The following ABCA13 variants were observed in gnomAD, a reference collection of about 807,000 sequenced individuals.
ABCA13 encodes the protein ATP binding cassette subfamily A member 13.
In ABCA13, 476 loss-of-function variants were observed where a neutral mutation model predicts 478.7. The ratio of observed to expected loss-of-function variants is 0.99; its 90% confidence interval spans 0.92 to 1.07. ABCA13 has a LOEUF of 1.07. Ranked by LOEUF, ABCA13 falls within the 50% of genes least tolerant of loss-of-function variation. The pLI is 0.00. For synonymous variants in ABCA13, 2,252 were observed against 2,158.9 expected (o/e 1.04, Z -1.20); for missense variants, 6,060 against 5,910.6 (o/e 1.03, Z -0.83).
chr7:48,624,375 A>T (rs1793460280), intron 59 of ABCA13, among the ~76,000 whole-genome samples: 1 of 152,048 alleles, frequency 6.6e-6, no homozygotes, highest in Admixed American at 6.6e-5. Flanking sequence ...CTTGAACCTG[A>T]TTGACATAGG....
rs1324016340 is a variant in ABCA13, at chr7:48,279,679, G to A, written c.8485G>A (p.Gly2829Arg). 2 of 1,613,526 alleles carry A rather than the reference G, an allele frequency of 1.2e-6. No homozygotes were observed. Among genetic ancestry groups the A allele is most frequent in the South Asian group, 1.1e-5 (1 of 90,976 alleles). The part of the protein sequence containing the change: ...VLSRIALWRK[G>R]LLFNNSEWIT... ...AAGTAGAATAGCTCTCTGGAGGAAA[G>A]GACTTCTGTTTAACAACTCTGAATG... Residue 2829 changes from glycine (G) to arginine (R), a missense_variant, in exon 18 of 62, where the codon GGA (glycine) becomes AGA (arginine). Physicochemically the swap from Gly to Arg is moderately radical, Grantham distance 125 (BLOSUM62 -2). Around this residue, in one of 3 missense-constraint regions of ABCA13, gnomAD observed 4,423 missense variants for 4,309.1 expected, o/e 1.03. Transcript: ENST00000435803.
intron 60 of ABCA13, 28 bp from the exon 61 acceptor site, chr7:48,644,589 C>CTT (rs71006572): frequency 9.3e-4 from 1,314 of 1,411,856 alleles, no homozygotes; most frequent in South Asian, 1.4e-3. Context: ...TTATATGATA[C>CTT]TTTTTTTTTT....
intron 32 of ABCA13, among the ~76,000 whole-genome samples, chr7:48,369,174 A>T (rs1812241523): frequency 6.6e-6 from 1 of 152,042 alleles, no homozygotes; most frequent in Non-Finnish European, 1.5e-5. Flanking sequence ...GTATTTTTCC[A>T]TATGTTTGTT....
chr7:48,623,075 C>G (rs904667068), intron 59 of ABCA13, among the ~76,000 whole-genome samples: 7 of 152,144 alleles, frequency 4.6e-5, no homozygotes, highest in Admixed American at 4.6e-4. Flanking sequence ...ACCATTTCCG[C>G]TTCCTTCCTG....
rs770393629 is a variant in ABCA13 at position 48,273,662 on chromosome 7, A to G, written c.3996A>G (p.Val1332=). The G allele has an allele frequency of 6.2e-7, 1 of 1,607,580 alleles. No individual in the cohort carries two copies. The highest frequency in any genetic ancestry group is 8.5e-7 in the Non-Finnish European group (1 of 1,176,444). ...NIITELREAI[V]FLRNVSHDRD... ...TCACTGAGCTAAGAGAAGCAATAGT[A>G]TTTCTTAGAAATGTATCACATGATC... The change falls in exon 17 of 62, where the codon GTA becomes GTG. Residue 1332 remains valine (V), a synonymous_variant. Coordinates refer to ENST00000435803, the MANE Select transcript of ABCA13 (RefSeq NM_152701.5).
At chr7:48,626,627 C>T (rs1312729077) in intron 59 of ABCA13, 2 of 985,444 alleles carry the variant, frequency 2.0e-6, no homozygotes, top group Non-Finnish European at 1.2e-6. Context: ...AAACTGAAGT[C>T]AACTGGTGAC....
chr7:48,419,094 AACTC>A (rs1233884277), intron 41 of ABCA13, among the ~76,000 whole-genome samples: 1 of 152,082 alleles, frequency 6.6e-6, no homozygotes, highest in Non-Finnish European at 1.5e-5. Context: ...ATCTCACAAG[AACTC>A]ACTCACTCGC....
intron 42 of ABCA13, among the ~76,000 whole-genome samples, chr7:48,451,800 C>T (rs1825071859): frequency 6.6e-6 from 1 of 152,146 alleles, no homozygotes; most frequent in Admixed American, 6.5e-5. Flanking sequence ...AATGTTTGAA[C>T]AATTGCAGCC....
chr7:48,606,030 C>T (rs1017628802), intron 58 of ABCA13, among the ~76,000 whole-genome samples: 5 of 152,144 alleles, frequency 3.3e-5, no homozygotes, highest in African/African-American at 4.8e-5. Context: ...GCATGCTTCA[C>T]GAAGTTCTCT....
intron 48 of ABCA13, among the ~76,000 whole-genome samples, chr7:48,497,969 A>C (rs1003711651): frequency 6.6e-6 from 1 of 152,184 alleles, no homozygotes; most frequent in African/African-American, 2.4e-5. Context: ...TTCTGGGTTC[A>C]GTCTCATTGC....
intron 7 of ABCA13, among the ~76,000 whole-genome samples, chr7:48,231,171 A>G (rs891500133): frequency 2.6e-5 from 4 of 151,490 alleles, no homozygotes; most frequent in African/African-American, 9.7e-5. Context: ...TTAAAGTTAA[A>G]AAAAAAAAAA....
chr7:48,346,414 T>G (rs943683269), intron 29 of ABCA13, among the ~76,000 whole-genome samples: 6 of 152,022 alleles, frequency 3.9e-5, no homozygotes, highest in Non-Finnish European at 7.4e-5. Context: ...TGCAGCCTAT[T>G]CCAAATAACA....
intron 27 of ABCA13, among the ~76,000 whole-genome samples, chr7:48,318,510 G>GA (rs537624744): frequency 2.2e-5 from 3 of 133,884 alleles, no homozygotes; most frequent in African/African-American, 8.3e-5. Flanking sequence ...TAACTTTTTA[G>GA]TTTTTTTTTT....
intron 31 of ABCA13, among the ~76,000 whole-genome samples, chr7:48,356,936 A>G (rs1810015944): frequency 6.6e-6 from 1 of 152,042 alleles, no homozygotes; most frequent in Non-Finnish European, 1.5e-5. Flanking sequence ...GGATTGTTTT[A>G]TATGCACAAA....
chr7:48,180,631 T>C (rs541895408), intron 1 of ABCA13, among the ~76,000 whole-genome samples: 1 of 152,238 alleles, frequency 6.6e-6, no homozygotes, highest in African/African-American at 2.4e-5. Flanking sequence ...TTCACCCTGT[T>C]GGCCAGGCTG....
At chr7:48,335,596 A>G in intron 28 of ABCA13, 61 bp downstream of exon 28, 2 of 1,331,686 alleles carry the variant, frequency 1.5e-6, no homozygotes, top group Non-Finnish European at 2.2e-6. Context: ...TGTCCGAGAC[A>G]TCAGGGCTGC....
chr7:48,361,744 TC>T (rs1810879638), intron 31 of ABCA13, among the ~76,000 whole-genome samples: 1 of 151,836 alleles, frequency 6.6e-6, no homozygotes, highest in African/African-American at 2.4e-5. Flanking sequence ...TTTATTGTTT[TC>T]TAGATGCATG....
intron 5 of ABCA13, among the ~76,000 whole-genome samples, chr7:48,221,721 G>T (rs1295956705): frequency 3.3e-5 from 5 of 152,220 alleles, no homozygotes; most frequent in Non-Finnish European, 7.3e-5. Flanking sequence ...AAGGATATTT[G>T]TCAATGTCTG....
intron 35 of ABCA13, among the ~76,000 whole-genome samples, chr7:48,385,140 TA>T (rs1199384170): frequency 6.6e-6 from 1 of 152,184 alleles, no homozygotes; most frequent in Non-Finnish European, 1.5e-5. Context: ...TTTATGTATT[TA>T]TTTTTTTGTA....
Sources: gnomAD v4.1 joint callset for allele counts (sites outside exome capture counted in the v4.1 genomes callset) on GRCh38, gnomAD v4.1.1 for gene constraint, gnomAD v4.1.1 regional missense constraint, MANE v1.5 for transcripts, NCBI Gene and HGNC (gene_info 2026-07-23, HGNC 2026-07-21) for gene names.